The following VIT variants were observed in gnomAD, a reference collection of about 807,000 sequenced individuals.
VIT encodes vitrin.
VIT carries 99 observed loss-of-function variants against 78.0 expected under a neutral mutation model. That is an observed-to-expected ratio of 1.27 (90% CI 1.08 to 1.50). VIT has a LOEUF of 1.50. Ranked by LOEUF, VIT falls within the 40% of genes most tolerant of loss-of-function variation. The probability of loss-of-function intolerance (pLI) is 0.00; values close to 1 mark genes in which losing one functional copy is unlikely to be tolerated. For synonymous variants in VIT, 374 were observed against 334.3 expected, an observed-to-expected ratio of 1.12 and a Z score of -1.29; for missense variants, 1,126 against 875.3, an observed-to-expected ratio of 1.29 and a Z score of -3.61.
intron 1 of VIT, among the ~76,000 whole-genome samples, chr2:36,704,676 A>T (rs1449157636): frequency 6.6e-6 from 1 of 152,110 alleles, no homozygotes; most frequent in African/African-American, 2.4e-5. Context: ...CCTGAGCCAC[A>T]GACACCATCC....
chr2:36,727,030 G>A (rs890706481), intron 2 of VIT, among the ~76,000 whole-genome samples: 5 of 152,144 alleles, frequency 3.3e-5, no homozygotes, highest in Non-Finnish European at 7.3e-5. Context: ...ACTTGAAGGA[G>A]AGTGGTGTCC....
At chr2:36,733,073 A>G (rs1667301661) in intron 3 of VIT, among the ~76,000 whole-genome samples, 2 of 152,328 alleles carry the variant, frequency 1.3e-5, no homozygotes, top group East Asian at 3.9e-4. Context: ...TGTTCAGGGA[A>G]TCTGGACTTC....
chr2:36,781,672 T>C (rs1664765547), intron 9 of VIT, 55 bp from the exon 10 acceptor site: 2 of 1,591,740 alleles, frequency 1.3e-6, no homozygotes, highest in East Asian at 4.5e-5. Flanking sequence ...ACTCAAGAGT[T>C]TCTGCTGGTT....
intron 8 of VIT, chr2:36,774,715 T>G: frequency 1.0e-6 from 1 of 985,334 alleles, no homozygotes; most frequent in Non-Finnish European, 1.2e-6. Flanking sequence ...ACAAAAAGGC[T>G]TGAGAATGAG....
chr2:36,713,924 C>G (rs933954163), intron 1 of VIT, among the ~76,000 whole-genome samples: 1 of 152,146 alleles, frequency 6.6e-6, no homozygotes, highest in Non-Finnish European at 1.5e-5. Context: ...TGGAGTTTCT[C>G]AAGTTAATAA....
At chr2:36,729,836 T>C (rs1453580709) in intron 3 of VIT, among the ~76,000 whole-genome samples, 2 of 152,206 alleles carry the variant, frequency 1.3e-5, no homozygotes, top group Non-Finnish European at 2.9e-5. Context: ...GAAAACTTAT[T>C]TTGGCTAATG....
chr2:36,763,015 TA>T (rs71732843), intron 6 of VIT, among the ~76,000 whole-genome samples: 8 of 151,960 alleles, frequency 5.3e-5, no homozygotes, highest in Middle Eastern at 3.4e-3. Context: ...GAAGTTTTTT[TA>T]AAAAAAACTA....
In VIT at chr2:36,767,081, C is replaced by A. The variant is rs1232984049; in HGVS notation, c.488-13C>A. The A allele has an allele frequency of 1.9e-6, 3 of 1,566,254 alleles. No homozygotes were observed. The highest frequency in any genetic ancestry group is 2.6e-6 in the Non-Finnish European group (3 of 1,156,992). ...TATTTTGTGGGCCTTGGTATAATTCCATTTTCTTACAGGTGAGACCACAAA... is the reference window on the plus strand; with the variant it reads ...TATTTTGTGGGCCTTGGTATAATTCAATTTTCTTACAGGTGAGACCACAAA... On this transcript the variant is annotated splice_polypyrimidine_tract_variant and intron_variant, in intron 6 of 15. Coordinates refer to ENST00000379242, the MANE Select transcript of VIT (RefSeq NM_053276.4).
intron 10 of VIT, among the ~76,000 whole-genome samples, chr2:36,782,680 A>AT (rs1664841736): frequency 6.6e-6 from 1 of 152,194 alleles, no homozygotes; most frequent in Non-Finnish European, 1.5e-5. Context: ...CTTGGCTCCC[A>AT]TGTACATGGC....
At chr2:36,743,989 C>A (rs1667989258) in intron 4 of VIT, among the ~76,000 whole-genome samples, 1 of 152,092 alleles carries the variant, frequency 6.6e-6, no homozygotes, top group Non-Finnish European at 1.5e-5. Context: ...TCCCCAGTAT[C>A]TGTTGTTCCC....
In VIT at chr2:36,767,164, G is replaced by A; in HGVS notation, c.558G>A (p.Gln186=). The A allele has an allele frequency of 6.2e-7, 1 of 1,611,324 alleles. No individual in the cohort carries two copies. Among genetic ancestry groups the A allele is most frequent in the Non-Finnish European group, 8.5e-7 (1 of 1,178,982 alleles). Residue 186 remains glutamine, a synonymous_variant, in exon 7 of 16, where the codon CAG becomes CAA. Transcript: ENST00000379242. The part of the protein sequence containing the change: ...GTTAQPVTLM[Q]LLAVTVAVAT... ...CTGCACAGCCGGTCACTCTGATGCA[G>A]CTTCTGGCTGTCACTGTAGCTGTGG...
chr2:36,793,494 T>C (rs1181441030), intron 12 of VIT, among the ~76,000 whole-genome samples: 1 of 152,188 alleles, frequency 6.6e-6, no homozygotes, highest in Non-Finnish European at 1.5e-5. Context: ...CATAGCTGTC[T>C]GAAGGGATGG....
At chr2:36,710,897 T>A (rs576455472) in intron 1 of VIT, among the ~76,000 whole-genome samples, 36 of 152,286 alleles carry the variant, frequency 2.4e-4, no homozygotes, top group Admixed American at 2.2e-3. Context: ...GGACATATAC[T>A]TTCATTCCTC....
chr2:36,750,508 C>G (rs1033084175), intron 4 of VIT, among the ~76,000 whole-genome samples: 1 of 152,170 alleles, frequency 6.6e-6, no homozygotes, highest in South Asian at 2.1e-4. Flanking sequence ...TAAATTTGAC[C>G]TCACCAAAGA....
chr2:36,771,643 G>A (rs1421742701), intron 7 of VIT, among the ~76,000 whole-genome samples: 2 of 151,814 alleles, frequency 1.3e-5, no homozygotes, highest in East Asian at 1.9e-4. Context: ...ATTGGAAATC[G>A]ATAATACACA....
chr2:36,811,051 A>C (rs1196207912), intron 15 of VIT, among the ~76,000 whole-genome samples: 2 of 152,214 alleles, frequency 1.3e-5, no homozygotes, highest in Non-Finnish European at 2.9e-5. Context: ...CTAGAATCCA[A>C]AGTAGCCAGA....
rs115997343 is a variant in VIT, at chr2:36,712,505, A to T, written c.-18-3848A>T. 9.5e-3 allele frequency among the ~76,000 whole-genome samples: 1,452 copies of T among 152,214 alleles called. 35 individuals are homozygous for T. Among genetic ancestry groups the T allele is most frequent in the African/African-American group, 0.033 (1,390 of 41,522 alleles). The stretch of plus-strand genomic sequence containing the variant: ...TATCAACACTGCTTTATTAGTTTTT[A>T]TTGAGATATAATTCACATACCATAA... On this transcript the variant is annotated intron_variant, in intron 1 of 15. Transcript: ENST00000379242.
intron 3 of VIT, among the ~76,000 whole-genome samples, chr2:36,732,105 A>G (rs1348306083): frequency 1.3e-5 from 2 of 152,270 alleles, no homozygotes; most frequent in Non-Finnish European, 2.9e-5. Context: ...AACAATGATT[A>G]GGTTAATATG....
intron 12 of VIT, chr2:36,787,783 C>T (rs1233575309): frequency 4.4e-6 from 2 of 453,588 alleles, no homozygotes; most frequent in Admixed American, 2.4e-5. Flanking sequence ...CTCCAAATAA[C>T]CTTAGGCCCC....
Sources: allele counts gnomAD v4.1 joint callset (sites outside exome capture counted in the v4.1 genomes callset), GRCh38; gene constraint gnomAD v4.1.1; transcripts MANE v1.5; gene names NCBI Gene and HGNC (gene_info 2026-07-23, HGNC 2026-07-21).